Variants in TNNI3K observed in about 807,000 individuals in gnomAD.
TNNI3K encodes the protein TNNI3 interacting kinase, also known as serine/threonine-protein kinase TNNI3K.
TNNI3K carries 140 observed loss-of-function variants against 114.5 expected under a neutral mutation model. That is an observed-to-expected ratio of 1.22 (90% CI 1.07 to 1.41). The LOEUF is 1.41. Ranked by LOEUF, TNNI3K falls within the 40% of genes most tolerant of loss-of-function variation. The probability of loss-of-function intolerance (pLI) is 0.00; values close to 1 mark genes in which losing one functional copy is unlikely to be tolerated. For synonymous variants in TNNI3K, 347 were observed against 347.5 expected, an observed-to-expected ratio of 1.00 and a Z score of 0.02; for missense variants, 1,125 against 1,007.6, an observed-to-expected ratio of 1.12 and a Z score of -1.58.
intron 21 of TNNI3K, chr1:74,470,955 T>C (rs1161808898): frequency 2.5e-6 from 1 of 400,750 alleles, no homozygotes; most frequent in Non-Finnish European, 4.4e-6. Context: ...AATGTTGGAA[T>C]GGTAAAACAT....
At chr1:74,442,038 A>G (rs1570624318) in intron 20 of TNNI3K, among the ~76,000 whole-genome samples, 1 of 152,106 alleles carries the variant, frequency 6.6e-6, no homozygotes, top group African/African-American at 2.4e-5. Flanking sequence ...ACTCAAAGCC[A>G]TAAAAACTTC....
chr1:74,314,786 T>A (rs1182106058), intron 5 of TNNI3K, among the ~76,000 whole-genome samples: 1 of 152,196 alleles, frequency 6.6e-6, no homozygotes, highest in Non-Finnish European at 1.5e-5. Context: ...ACAATTTGGG[T>A]AGAAACATGT....
chr1:74,337,259 C>CA (rs1259961066), intron 7 of TNNI3K, among the ~76,000 whole-genome samples: 2 of 151,762 alleles, frequency 1.3e-5, no homozygotes, highest in Non-Finnish European at 2.9e-5. Context: ...AGCCCTTTGT[C>CA]AGATGAGTAG....
intron 20 of TNNI3K, among the ~76,000 whole-genome samples, chr1:74,456,526 A>G (rs1174231171): frequency 6.6e-6 from 1 of 152,188 alleles, no homozygotes; most frequent in African/African-American, 2.4e-5. Context: ...ATGATCAACT[A>G]AAGAAGAAAG....
intron 17 of TNNI3K, chr1:74,374,425 G>C (rs948637127): frequency 5.3e-5 from 8 of 151,834 alleles, no homozygotes; most frequent in African/African-American, 1.9e-4. Context: ...TGACTAAAGA[G>C]ACTAAGTCTG....
In TNNI3K at chr1:74,430,824, G is replaced by A. The variant is rs145147713; in HGVS notation, c.1773-5256G>A. On this transcript the variant is annotated intron_variant, in intron 17 of 24. Coordinates refer to ENST00000326637, the MANE Select transcript of TNNI3K (RefSeq NM_015978.3). ...CAAAGATTCCTTTAAGTGAAACACC[G>A]TCATTCAATCAAAGCAGAAATAGTT... Among the ~76,000 whole-genome samples, 927 of 152,196 alleles carry A rather than the reference G, an allele frequency of 6.1e-3. 6 individuals are homozygous for A. The highest frequency in any genetic ancestry group is 0.012 in the Admixed American group (183 of 15,272).
At chr1:74,461,464 A>G (rs1366866623) in intron 20 of TNNI3K, among the ~76,000 whole-genome samples, 1 of 149,776 alleles carries the variant, frequency 6.7e-6, no homozygotes, top group Non-Finnish European at 1.5e-5. Flanking sequence ...TGGGTGACAC[A>G]GTGAGACTCT....
At chr1:74,246,262 G>A (rs1162117212) in intron 2 of TNNI3K, among the ~76,000 whole-genome samples, 2 of 152,212 alleles carry the variant, frequency 1.3e-5, no homozygotes, top group Admixed American at 1.3e-4. Flanking sequence ...ATATATTATG[G>A]ATGTCTTGGA....
intron 4 of TNNI3K, among the ~76,000 whole-genome samples, chr1:74,269,961 G>A (rs753893809): frequency 9.2e-5 from 14 of 151,802 alleles, no homozygotes; most frequent in Non-Finnish European, 1.8e-4. Context: ...GAAAGCAAAG[G>A]AGATAAGAAT....
chr1:74,412,271 C>T (rs974074707), intron 17 of TNNI3K, among the ~76,000 whole-genome samples: 1 of 152,122 alleles, frequency 6.6e-6, no homozygotes, highest in Non-Finnish European at 1.5e-5. Flanking sequence ...TTAATCCCCT[C>T]CCCCACTCCA....
intron 23 of TNNI3K, among the ~76,000 whole-genome samples, chr1:74,494,201 A>G (rs1477712376): frequency 6.6e-6 from 1 of 152,174 alleles, no homozygotes; most frequent in Non-Finnish European, 1.5e-5. Context: ...ATATACATAC[A>G]CACTCATACA....
chr1:74,357,074 C>T (rs1298779050), intron 11 of TNNI3K, among the ~76,000 whole-genome samples: 2 of 152,162 alleles, frequency 1.3e-5, no homozygotes. Flanking sequence ...ATATTGTCAG[C>T]AGTGCACCTG....
chr1:74,532,580 T>C (rs1646603528), intron 23 of TNNI3K, among the ~76,000 whole-genome samples: 1 of 151,960 alleles, frequency 6.6e-6, no homozygotes, highest in Non-Finnish European at 1.5e-5. Context: ...ACCCAATAAC[T>C]CGTCATTTAG....
chr1:74,391,194 A>G (rs1397989372), intron 17 of TNNI3K, among the ~76,000 whole-genome samples: 2 of 152,206 alleles, frequency 1.3e-5, no homozygotes, highest in African/African-American at 4.8e-5. Flanking sequence ...CACTAGAGAT[A>G]CTGCAGTTGC....
intron 21 of TNNI3K, among the ~76,000 whole-genome samples, chr1:74,465,745 C>G (rs1336657573): frequency 6.6e-6 from 1 of 152,178 alleles, no homozygotes; most frequent in Non-Finnish European, 1.5e-5. Flanking sequence ...TCTTGGAGAA[C>G]TTTTATGTCT....
In TNNI3K at chr1:74,411,226, A is replaced by G. The variant is rs139835125; in HGVS notation, c.1773-24854A>G. Among the ~76,000 whole-genome samples the G allele has an allele frequency of 3.0e-3, 462 of 152,320 alleles. 2 individuals carry two copies. The highest frequency in any genetic ancestry group is 0.01 in the African/African-American group (434 of 41,572). ...AATAGTGTGACAATTTCATTAAATA[A>G]TAAGCATGGCTGTAAGGCCCCTGAA... On this transcript the variant is annotated intron_variant, in intron 17 of 24. Coordinates refer to ENST00000326637, the MANE Select transcript of TNNI3K (RefSeq NM_015978.3).
intron 17 of TNNI3K, among the ~76,000 whole-genome samples, chr1:74,399,614 G>A (rs699836): frequency 6.6e-6 from 1 of 152,168 alleles, no homozygotes; most frequent in African/African-American, 2.4e-5. Flanking sequence ...CGAGTCAAGA[G>A]ACTGGTAAAA....
chr1:74,481,273 T>G (rs1205410807), intron 21 of TNNI3K, among the ~76,000 whole-genome samples: 1 of 152,186 alleles, frequency 6.6e-6, no homozygotes, highest in Non-Finnish European at 1.5e-5. Context: ...TCGATGTTAT[T>G]TTGAAGGTGT....
At chr1:74,295,855 T>C (rs1657947696) in intron 5 of TNNI3K, among the ~76,000 whole-genome samples, 1 of 152,220 alleles carries the variant, frequency 6.6e-6, no homozygotes, top group South Asian at 2.1e-4. Context: ...TTCAAGTATA[T>C]TGTTTTATTA....
Sources: gnomAD v4.1 joint callset for allele counts (sites outside exome capture counted in the v4.1 genomes callset) on GRCh38, gnomAD v4.1.1 for gene constraint, MANE v1.5 for transcripts, NCBI Gene and HGNC (gene_info 2026-07-23, HGNC 2026-07-21) for gene names.